Variants in KTN1 observed in about 807,000 individuals in gnomAD.
KTN1 encodes kinectin 1.
KTN1 carries 130 observed loss-of-function variants against 222.5 expected under a neutral mutation model. The ratio of observed to expected loss-of-function variants is 0.58; its 90% CI spans 0.51 to 0.68. The LOEUF (loss-of-function observed/expected upper bound fraction) is 0.68. Among genes scored for constraint, KTN1 ranks in the 30% least tolerant of loss-of-function variants. The pLI, the probability that KTN1 is intolerant of heterozygous loss-of-function variation, is 0.00. For missense variants in KTN1, 1,508 were observed against 1,500.4 expected (o/e 1.01, Z -0.08); for synonymous variants, 512 against 496.3 (o/e 1.03, Z -0.42).
In KTN1 at chr14:55,658,568, T is replaced by G. The variant is rs865824600; in HGVS notation, c.2915T>G (p.Leu972Trp). 1 of 1,599,494 alleles carries G rather than the reference T, an allele frequency of 6.3e-7. No individual in the cohort carries two copies. Among genetic ancestry groups the G allele is most frequent in the African/African-American group, 1.3e-5 (1 of 74,596 alleles). Residue 972 changes from leucine to tryptophan, a missense_variant, in exon 30 of 44, where the codon TTG (leucine) becomes TGG (tryptophan). Physicochemically the swap from Leu to Trp is moderately conservative, Grantham distance 61. Coordinates refer to ENST00000395314, the MANE Select transcript of KTN1 (RefSeq NM_001079521.2). ...TAGGATGTACAAGATGAAAACAAAT[T>G]GTTTAAGTCCCAAATTGAGCAGCTT... ...LLQDVQDENK[L>W]FKSQIEQLKQ...
intron 4 of KTN1, 145 bp from the exon 5 acceptor site, chr14:55,619,037 G>A: frequency 3.3e-6 from 2 of 610,456 alleles, no homozygotes; most frequent in Non-Finnish European, 5.6e-6. Flanking sequence ...TGGAGTATTT[G>A]TTTTATTTAA....
intron 1 of KTN1, among the ~76,000 whole-genome samples, chr14:55,593,913 C>G (rs546207172): frequency 7.2e-5 from 11 of 152,062 alleles, no homozygotes; most frequent in Non-Finnish European, 1.3e-4. Context: ...AGGCGATGAA[C>G]CTTGTTCTGT....
In KTN1 at chr14:55,648,910, TTTTG is replaced by T. The variant is rs757175242; in HGVS notation, c.2367+55_2367+58del. 243 of 1,331,864 alleles carry T rather than the reference TTTTG, an allele frequency of 1.8e-4. No homozygotes were observed. The African/African-American group carries it at 2.6e-3, about 14-fold the overall frequency. The allele number at this position is 1,331,864 out of a possible 1,614,324, so 82.5% of individuals were successfully genotyped here. On this transcript the variant is annotated intron_variant, in intron 21 of 43. Coordinates refer to ENST00000395314, the MANE Select transcript of KTN1 (RefSeq NM_001079521.2). ...TACAACTGTTCTTTGTCTCTGTGTT[TTTTG>T]TTTGTTTGTTTGTTGTTTTTAAATT... is the stretch of plus-strand genomic sequence containing the variant.
chr14:55,664,956 C>T (rs1386676285), intron 33 of KTN1, among the ~76,000 whole-genome samples: 3 of 151,302 alleles, frequency 2.0e-5, no homozygotes, highest in East Asian at 1.9e-4. Flanking sequence ...CTTAGTGACA[C>T]CTGAAGGAAT....
At chr14:55,580,827 G>A (rs573132711) in intron 1 of KTN1, among the ~76,000 whole-genome samples, 200 of 151,948 alleles carry the variant, frequency 1.3e-3, no homozygotes, top group Non-Finnish European at 2.2e-3. Flanking sequence ...TCCCCGGGCC[G>A]GAGCTGGGCC....
chr14:55,625,967 A>G (rs1309433807), intron 5 of KTN1, among the ~76,000 whole-genome samples: 1 of 152,126 alleles, frequency 6.6e-6, no homozygotes, highest in Non-Finnish European at 1.5e-5. Context: ...GACCTACTCT[A>G]CACACATCAA....
chr14:55,679,755 T>G (rs2046206774), intron 43 of KTN1, 70 bp downstream of exon 43: 1 of 1,446,192 alleles, frequency 6.9e-7, no homozygotes, highest in South Asian at 1.2e-5. Context: ...TGTATTTACA[T>G]AAATAAACTC....
chr14:55,614,313 A>G (rs2038035656), intron 2 of KTN1, among the ~76,000 whole-genome samples: 1 of 152,194 alleles, frequency 6.6e-6, no homozygotes, highest in African/African-American at 2.4e-5. Context: ...CAGACTAGTT[A>G]AGAGGTTATT....
At chr14:55,598,310 C>A (rs1212385229) in intron 1 of KTN1, among the ~76,000 whole-genome samples, 2 of 151,776 alleles carry the variant, frequency 1.3e-5, no homozygotes, top group African/African-American at 4.8e-5. Context: ...TGGCGGGCGC[C>A]TGTAGTCCCA....
chr14:55,684,071 G>T (rs775834630), intron 43 of KTN1, 28 bp from the exon 44 acceptor site: 40 of 1,589,566 alleles, frequency 2.5e-5, no homozygotes, highest in Non-Finnish European at 3.4e-5. Context: ...GTTTTAAAGT[G>T]AAATTCATTC....
At chr14:55,643,895 T>C (rs1028383907) in intron 18 of KTN1, among the ~76,000 whole-genome samples, 3 of 152,202 alleles carry the variant, frequency 2.0e-5, no homozygotes, top group African/African-American at 7.2e-5. Context: ...TGACAACTTT[T>C]AGTATGAGAT....
At chr14:55,611,911 C>T (rs1185551717) in intron 1 of KTN1, 108 bp from the exon 2 acceptor site, 1 of 453,860 alleles carries the variant, frequency 2.2e-6, no homozygotes, top group African/African-American at 2.0e-5. Flanking sequence ...ATTTGTAGGT[C>T]AGGTTAGATT....
intron 30 of KTN1, 62 bp from the exon 31 acceptor site, chr14:55,659,604 T>G: frequency 2.1e-6 from 2 of 968,524 alleles, no homozygotes; most frequent in Non-Finnish European, 3.3e-6. Flanking sequence ...TGAGAAAAGC[T>G]TCAATGTTTT....
chr14:55,663,085 A>C, intron 32 of KTN1: 1 of 414,910 alleles, frequency 2.4e-6, no homozygotes, highest in Non-Finnish European at 4.9e-6. Context: ...TTCCCTATCT[A>C]TAGAATGGGA....
chr14:55,619,919 A>C lies in KTN1; in HGVS notation c.963+607A>C, dbSNP rs183591643. Among the ~76,000 whole-genome samples, 7 of 152,290 alleles carry C rather than the reference A, an allele frequency of 4.6e-5. No individual in the cohort carries two copies. In the East Asian group the frequency reaches 1.2e-3, roughly 25 times the overall value. ...CAAAGTCTTAACTAATTTCATCATT[A>C]ATTCAAAAGTCCACAGTCCAAAGTC... is the stretch of plus-strand genomic sequence containing the variant. On this transcript the variant is annotated intron_variant, in intron 5 of 43. Transcript: ENST00000395314.
Position 55,633,221 on chromosome 14 carries a change from T to C in KTN1, c.1222-14T>C. 1.3e-6 allele frequency: 2 copies of C among 1,520,554 alleles called. No homozygotes were observed. The highest frequency in any genetic ancestry group is 1.8e-6 in the Non-Finnish European group (2 of 1,120,698). The allele number at this position is 1,520,554 out of a possible 1,614,324, so 94.2% of individuals were successfully genotyped here. Reference sequence around the variant, plus strand: ...CTTTGTTTTCTAAGTTTTATGTGTGTAAAATAATTTTAGTTTCAGCAAGTT... The same window carrying C: ...CTTTGTTTTCTAAGTTTTATGTGTGCAAAATAATTTTAGTTTCAGCAAGTT... On this transcript the variant is annotated splice_polypyrimidine_tract_variant and intron_variant, in intron 7 of 43. Coordinates refer to ENST00000395314, the MANE Select transcript of KTN1 (RefSeq NM_001079521.2).
At chr14:55,634,800 G>T in intron 9 of KTN1, 142 bp downstream of exon 9, 2 of 626,106 alleles carry the variant, frequency 3.2e-6, no homozygotes, top group East Asian at 3.1e-5. Context: ...CAACATGGCT[G>T]GGGAGGCCTC....
rs752643865 is a variant in KTN1 at position 55,659,660 on chromosome 14, T to C, written c.2962-6T>C. On this transcript the variant is annotated splice_polypyrimidine_tract_variant and splice_region_variant and intron_variant, in intron 30 of 43. Transcript: ENST00000395314. The stretch of plus-strand genomic sequence containing the variant: ...GTTCTGAAATAACATTTAACTCTTT[T>C]GATAGGCATCTTCTTTTCCCCCTCA... 3 of 1,480,686 alleles carry C rather than the reference T, an allele frequency of 2.0e-6. No individual in the cohort carries two copies. Among genetic ancestry groups the C allele is most frequent in the Admixed American group, 3.4e-5 (2 of 59,152 alleles). The allele number at this position is 1,480,686 out of a possible 1,614,324, so 91.7% of individuals were successfully genotyped here.
At chr14:55,640,897 T>G (rs1039320357) in intron 15 of KTN1, 36 bp from the exon 16 acceptor site, 1 of 1,583,828 alleles carries the variant, frequency 6.3e-7, no homozygotes, top group Non-Finnish European at 8.7e-7. Flanking sequence ...GCACTTCCTG[T>G]GAAGTGATAT....
Sources: allele counts gnomAD v4.1 joint callset (sites outside exome capture counted in the v4.1 genomes callset), GRCh38; gene constraint gnomAD v4.1.1; transcripts MANE v1.5; gene names NCBI Gene and HGNC (gene_info 2026-07-23, HGNC 2026-07-21).